The following RIC1 variants were observed in gnomAD, a reference collection of about 807,000 sequenced individuals.
The protein encoded by RIC1 is RIC1 partner of RAB6A GEF complex.
Under a neutral mutation model 169.0 loss-of-function variants are expected in RIC1, and 88 were observed. The observed-to-expected ratio is 0.52, with a 90% CI of 0.44 to 0.62. The LOEUF is 0.62. Among genes scored for constraint, RIC1 ranks in the 20% least tolerant of loss-of-function variants. The pLI, the probability that RIC1 is intolerant of heterozygous loss-of-function variation, is 0.00. For synonymous variants in RIC1, 790 were observed against 601.5 expected, an observed-to-expected ratio of 1.31 and a Z score of -4.59; for missense variants, 1,877 against 1,725.5, an observed-to-expected ratio of 1.09 and a Z score of -1.56.
At chr9:5,634,572 T>C (rs536500868) in intron 1 of RIC1, among the ~76,000 whole-genome samples, 108 of 152,364 alleles carry the variant, frequency 7.1e-4, no homozygotes, top group Non-Finnish European at 1.2e-3. Flanking sequence ...TTTGTTTTTT[T>C]CTCGGTACTG....
chr9:5,639,093 G>C (rs1448794036), intron 1 of RIC1, among the ~76,000 whole-genome samples: 1 of 152,022 alleles, frequency 6.6e-6, no homozygotes, highest in African/African-American at 2.4e-5. Flanking sequence ...TTTTTGTAGA[G>C]ACAGGATTTC....
At chr9:5,654,136 C>T (rs1181078830) in intron 1 of RIC1, among the ~76,000 whole-genome samples, 1 of 151,868 alleles carries the variant, frequency 6.6e-6, no homozygotes, top group Non-Finnish European at 1.5e-5. Context: ...GTAGCTGGGA[C>T]TACAGGTGTG....
At chr9:5,664,409 C>CAA (rs113901097) in intron 2 of RIC1, among the ~76,000 whole-genome samples, 10 of 141,074 alleles carry the variant, frequency 7.1e-5, no homozygotes, top group African/African-American at 2.1e-4. Flanking sequence ...GAGACTCTGT[C>CAA]AAAAAAAAAA....
chr9:5,666,723 A>G (rs555862313), intron 2 of RIC1, among the ~76,000 whole-genome samples: 2 of 152,340 alleles, frequency 1.3e-5, no homozygotes, highest in Admixed American at 6.5e-5. Context: ...CATTCAGTGA[A>G]TGAATCCCAC....
In RIC1 at chr9:5,754,399, T is replaced by A. The variant is rs991664902; in HGVS notation, c.1603-442T>A. On this transcript the variant is annotated intron_variant, in intron 14 of 25. Transcript: ENST00000414202. ...TCATTATTAATAAAGGCTCTAGAGT[T>A]ATCATTGGAGAGAGGGGGAGTAAGA... Among the ~76,000 whole-genome samples the A allele has an allele frequency of 2.6e-5, 4 of 152,270 alleles. No individual in the cohort carries two copies. The East Asian group carries it at 7.7e-4, about 29-fold the overall frequency.
At chr9:5,707,601 CTGTT>C (rs757207013) in intron 3 of RIC1, among the ~76,000 whole-genome samples, 61 of 152,082 alleles carry the variant, frequency 4.0e-4, no homozygotes, top group East Asian at 1.9e-3. Context: ...GCTAGATTGA[CTGTT>C]TGATCATTAT....
At chr9:5,692,520 C>CT in intron 3 of RIC1, among the ~76,000 whole-genome samples, 1 of 152,086 alleles carries the variant, frequency 6.6e-6, no homozygotes, top group South Asian at 2.1e-4. Flanking sequence ...TTGCCAGAGT[C>CT]TAACTTCTAG....
chr9:5,635,243 G>C (rs1817916247), intron 1 of RIC1, among the ~76,000 whole-genome samples: 1 of 152,118 alleles, frequency 6.6e-6, no homozygotes, highest in African/African-American at 2.4e-5. Flanking sequence ...GCCTCCTAAA[G>C]TGCTAGGATT....
At chr9:5,670,221 C>G (rs1026672638) in intron 2 of RIC1, among the ~76,000 whole-genome samples, 1 of 152,212 alleles carries the variant, frequency 6.6e-6, no homozygotes, top group African/African-American at 2.4e-5. Context: ...TGAGGCATTT[C>G]AAGTCTGATT....
chr9:5,637,126 C>G (rs1818008504), intron 1 of RIC1, among the ~76,000 whole-genome samples: 1 of 152,148 alleles, frequency 6.6e-6, no homozygotes, highest in East Asian at 1.9e-4. Context: ...GTGGCACAAT[C>G]TCAGCTCACT....
intron 1 of RIC1, among the ~76,000 whole-genome samples, chr9:5,641,358 T>C (rs560599233): frequency 6.6e-6 from 1 of 152,264 alleles, no homozygotes; most frequent in African/African-American, 2.4e-5. Flanking sequence ...CCCAAAGTGC[T>C]GGGATTACAG....
At chr9:5,671,501 C>T (rs1224970992) in intron 2 of RIC1, among the ~76,000 whole-genome samples, 1 of 144,124 alleles carries the variant, frequency 6.9e-6, no homozygotes, top group African/African-American at 2.9e-5. Context: ...GTCTCTAACT[C>T]CTGACCTCAG....
chr9:5,735,158 G>A (rs567570545), intron 7 of RIC1, among the ~76,000 whole-genome samples: 3 of 151,698 alleles, frequency 2.0e-5, no homozygotes, highest in Middle Eastern at 3.2e-3. Context: ...AGTCTGAGTC[G>A]ATTCTTTATA....
intron 1 of RIC1, among the ~76,000 whole-genome samples, chr9:5,653,338 T>C (rs1306025925): frequency 1.3e-5 from 2 of 152,324 alleles, no homozygotes; most frequent in East Asian, 1.9e-4. Flanking sequence ...TTTAGCTTTA[T>C]AGTAAGTCTT....
chr9:5,737,135 C>A (rs537035735), intron 7 of RIC1, among the ~76,000 whole-genome samples: 6 of 152,298 alleles, frequency 3.9e-5, no homozygotes, highest in African/African-American at 1.2e-4. Flanking sequence ...GCCTCATTTT[C>A]AAATGCTGAA....
chr9:5,695,117 G>T (rs986988310), intron 3 of RIC1, among the ~76,000 whole-genome samples: 14 of 152,184 alleles, frequency 9.2e-5, no homozygotes, highest in African/African-American at 3.1e-4. Context: ...ATAGTGGTCA[G>T]TGTCTTCACT....
At chr9:5,731,651 C>G (rs1477006440) in intron 6 of RIC1, among the ~76,000 whole-genome samples, 2 of 152,038 alleles carry the variant, frequency 1.3e-5, no homozygotes, top group Non-Finnish European at 1.5e-5. Flanking sequence ...AATCTATTCT[C>G]TATATATGGA....
chr9:5,715,257 A>G (rs1183718519), intron 4 of RIC1, among the ~76,000 whole-genome samples: 5 of 152,228 alleles, frequency 3.3e-5, no homozygotes, highest in South Asian at 2.1e-4. Context: ...AGGTACCAAG[A>G]AAAGGTGGAA....
chr9:5,726,024 A>G (rs1321803585), intron 6 of RIC1, among the ~76,000 whole-genome samples: 2 of 152,156 alleles, frequency 1.3e-5, no homozygotes, highest in African/African-American at 4.8e-5. Flanking sequence ...AAGAATGTAT[A>G]TTCTGTTGAT....
Sources: gnomAD v4.1 joint callset for allele counts (sites outside exome capture counted in the v4.1 genomes callset) on GRCh38, gnomAD v4.1.1 for gene constraint, MANE v1.5 for transcripts, NCBI Gene and HGNC (gene_info 2026-07-23, HGNC 2026-07-21) for gene names.